The following CNNM1 variants were observed in gnomAD, a reference collection of about 807,000 sequenced individuals.
The protein encoded by CNNM1 is metal transporter CNNM1.
A neutral mutation model predicts 78.8 loss-of-function variants in CNNM1; 44 were observed. The observed-to-expected ratio is 0.56, with a 90% confidence interval of 0.44 to 0.72. The LOEUF (loss-of-function observed/expected upper bound fraction) is 0.72. Ranked by LOEUF, CNNM1 falls within the 30% of genes least tolerant of loss-of-function variation. CNNM1 has a pLI of 0.00. For synonymous variants in CNNM1, 584 were observed against 581.5 expected (o/e 1.00, Z -0.06); for missense variants, 1,101 against 1,292.2 (o/e 0.85, Z 2.27).
At chr10:99,371,678 A>G (rs1310629622) in intron 6 of CNNM1, among the ~76,000 whole-genome samples, 3 of 152,168 alleles carry the variant, frequency 2.0e-5, no homozygotes, top group African/African-American at 7.2e-5. Flanking sequence ...GGGAACCATT[A>G]AAGCTCCGTG....
chr10:99,379,838 A>C (rs1000517219), intron 7 of CNNM1, among the ~76,000 whole-genome samples: 2 of 151,950 alleles, frequency 1.3e-5, no homozygotes, highest in Non-Finnish European at 2.9e-5. Flanking sequence ...CACTGTAACA[A>C]ATTACCATAG....
chr10:99,387,280 G>A (rs2032334160), intron 7 of CNNM1, among the ~76,000 whole-genome samples: 1 of 152,126 alleles, frequency 6.6e-6, no homozygotes, highest in Non-Finnish European at 1.5e-5. Flanking sequence ...GGAGACAGCT[G>A]GGAAACCTCC....
rs1247091600 is a variant in CNNM1 at position 99,329,738 on chromosome 10, C to T, written c.351C>T (p.Gly117=). The part of the protein sequence containing the change: ...VFIEEPPGGG[G]VAPSAVPTRP... ...TCGAGGAGCCCCCGGGCGGTGGCGG[C>T]GTGGCCCCCAGCGCGGTCCCCACTC... is the stretch of plus-strand genomic sequence containing the variant. The change falls in exon 1 of 11, where the codon GGC becomes GGT. Residue 117 remains glycine, a synonymous_variant. Transcript: ENST00000356713. The T allele has an allele frequency of 1.3e-6, 2 of 1,508,118 alleles. No individual in the cohort carries two copies. The highest frequency in any genetic ancestry group is 1.4e-5 in the African/African-American group (1 of 69,214). The allele number at this position is 1,508,118 out of a possible 1,614,324, so 93.4% of individuals were successfully genotyped here.
At position 99,393,035 on chromosome 10, in the gene CNNM1, G is replaced by A. The variant is rs1479622352; in HGVS notation, c.*1519G>A. On this transcript the variant is annotated 3_prime_UTR_variant, in exon 11 of 11. Coordinates refer to ENST00000356713, the MANE Select transcript of CNNM1 (RefSeq NM_020348.3). ...CCACAGCCAGCCTTAGGGAAAACTT[G>A]GAAGTAAGTGAAATTTGTCTTCAGA... 6.6e-6 allele frequency: 1 copy of A among 152,060 alleles called. No individual in the cohort carries two copies. Among genetic ancestry groups the A allele is most frequent in the Non-Finnish European group, 1.5e-5 (1 of 68,052 alleles). The allele number at this position is 152,060 out of a possible 1,614,324, so 9.4% of individuals were successfully genotyped here.
chr10:99,355,023 C>T (rs984702770), intron 1 of CNNM1, among the ~76,000 whole-genome samples: 3 of 152,106 alleles, frequency 2.0e-5, no homozygotes, highest in Non-Finnish European at 2.9e-5. Context: ...TTTCCGATTT[C>T]GTTTCAGTTT....
Position 99,330,190 on chromosome 10 carries a change from A to C in CNNM1, c.803A>C (p.Gln268Pro). ...AGCGGCTCGGCCGCCGAGCAGGAGC[A>C]GGCGCGCCGCGTGCAGGCCGTTCGC... is the stretch of plus-strand genomic sequence containing the variant. ...RNSGSAAEQE[Q>P]ARRVQAVRGR... is the part of the protein sequence containing the mutation. Residue 268 changes from glutamine (Q) to proline (P), a missense_variant, in exon 1 of 11, where the codon CAG becomes CCG. By Grantham distance (76) the Gln-to-Pro change is moderately conservative. Coordinates refer to ENST00000356713, the MANE Select transcript of CNNM1 (RefSeq NM_020348.3). 2.0e-6 allele frequency: 3 copies of C among 1,512,046 alleles called. No homozygotes were observed. The highest frequency in any genetic ancestry group is 2.6e-6 in the Non-Finnish European group (3 of 1,135,158). The allele number at this position is 1,512,046 out of a possible 1,614,324, so 93.7% of individuals were successfully genotyped here. A position where few individuals can be genotyped will look rare whatever the true frequency, so the allele number is the denominator to read the frequency against.
In CNNM1 at chr10:99,329,878, T is replaced by C. The variant is rs1850561683; in HGVS notation, c.491T>C (p.Val164Ala). The change falls in exon 1 of 11, where the codon GTG becomes GCG. Residue 164 changes from valine to alanine, a missense_variant. Val to Ala is a moderately conservative substitution (Grantham distance 64, BLOSUM62 0). Coordinates refer to ENST00000356713, the MANE Select transcript of CNNM1 (RefSeq NM_020348.3). Reference protein sequence around the residue: ...VAGSALVQVRVRELRKGEAER... With the variant: ...VAGSALVQVRARELRKGEAER... ...GGCTCGGCCCTGGTCCAGGTGCGAG[T>C]GCGGGAGCTGCGCAAGGGCGAAGCG... 1.4e-6 allele frequency: 2 copies of C among 1,393,148 alleles called. No homozygotes were observed. The highest frequency in any genetic ancestry group is 1.9e-6 in the Non-Finnish European group (2 of 1,081,082). 86.3% of individuals were successfully genotyped at this position (1,393,148 alleles called of 1,614,324 possible). A position where few individuals can be genotyped will look rare whatever the true frequency, so the allele number is the denominator to read the frequency against.
chr10:99,332,855 A>T (rs570546922), intron 1 of CNNM1, among the ~76,000 whole-genome samples: 1 of 152,124 alleles, frequency 6.6e-6, no homozygotes, highest in Admixed American at 6.6e-5. Flanking sequence ...TCTCGCCTTA[A>T]TCCTTGCATT....
At chr10:99,360,753 CT>C (rs1383718893) in intron 2 of CNNM1, 81 bp from the exon 3 acceptor site, 8 of 1,504,176 alleles carry the variant, frequency 5.3e-6, no homozygotes, top group Non-Finnish European at 7.2e-6. Context: ...AATGTTCTAT[CT>C]GTCCCCTGTG....
At chr10:99,352,010 T>C (rs984842145) in intron 1 of CNNM1, among the ~76,000 whole-genome samples, 4 of 152,192 alleles carry the variant, frequency 2.6e-5, no homozygotes, top group African/African-American at 9.7e-5. Flanking sequence ...AAACTCATCC[T>C]TTTAAAGTGC....
At position 99,393,986 on chromosome 10, in the gene CNNM1, A is replaced by G. The variant is rs913838998; in HGVS notation, c.*2470A>G. 6.6e-6 allele frequency: 1 copy of G among 152,238 alleles called. No homozygotes were observed. The allele number at this position is 152,238 out of a possible 1,614,324, so 9.4% of individuals were successfully genotyped here. A position where few individuals can be genotyped will look rare whatever the true frequency, so the allele number is the denominator to read the frequency against. On this transcript the variant is annotated 3_prime_UTR_variant, in exon 11 of 11. Coordinates refer to ENST00000356713, the MANE Select transcript of CNNM1 (RefSeq NM_020348.3). ...AGGAACAGGCGAAGTGTCAGCCCTC[A>G]ATGTTGGGTACTTAGACCCAAACCA...
At chr10:99,381,624 C>G (rs2032163759) in intron 7 of CNNM1, among the ~76,000 whole-genome samples, 1 of 151,772 alleles carries the variant, frequency 6.6e-6, no homozygotes. Context: ...CACCTGTAAT[C>G]CCAGCTACTC....
intron 6 of CNNM1, among the ~76,000 whole-genome samples, chr10:99,374,647 C>T (rs2031908437): frequency 6.6e-6 from 1 of 152,186 alleles, no homozygotes; most frequent in Non-Finnish European, 1.5e-5. Flanking sequence ...GATTTAAGAG[C>T]TCTGAAACCT....
rs1850569174 is a variant in CNNM1 at position 99,330,061 on chromosome 10, G to T, written c.674G>T (p.Arg225Leu). 2 of 1,512,800 alleles carry T rather than the reference G, an allele frequency of 1.3e-6. No individual in the cohort carries two copies. Among genetic ancestry groups the T allele is most frequent in the African/African-American group, 1.4e-5 (1 of 69,508 alleles). 93.7% of individuals were successfully genotyped at this position (1,512,800 alleles called of 1,614,324 possible). A position where few individuals can be genotyped will look rare whatever the true frequency, so the allele number is the denominator to read the frequency against. ...GACCTGCTGCCCCCTGCGTGGCTGC[G>T]GGCGCTCGGGGCGCTCCTGCTGCTA... ...GGDLLPPAWL[R>L]ALGALLLLAL... The change falls in exon 1 of 11, where the codon CGG (arginine) becomes CTG (leucine). Residue 225 changes from arginine to leucine, a missense_variant. Coordinates refer to ENST00000356713, the MANE Select transcript of CNNM1 (RefSeq NM_020348.3).
chr10:99,374,863 T>C (rs1212955069), intron 6 of CNNM1, among the ~76,000 whole-genome samples: 2 of 152,208 alleles, frequency 1.3e-5, no homozygotes, highest in Non-Finnish European at 2.9e-5. Context: ...ATTAAGTAGA[T>C]GTAACAAGTA....
Position 99,393,987 on chromosome 10 carries a change from A to G in CNNM1, c.*2471A>G, listed in dbSNP as rs2032549288. On this transcript the variant is annotated 3_prime_UTR_variant, in exon 11 of 11. Transcript: ENST00000356713. ...GGAACAGGCGAAGTGTCAGCCCTCA[A>G]TGTTGGGTACTTAGACCCAAACCAA... 6.6e-6 allele frequency: 1 copy of G among 152,262 alleles called. No homozygotes were observed. 9.4% of individuals were successfully genotyped at this position (152,262 alleles called of 1,614,324 possible). A position where few individuals can be genotyped will look rare whatever the true frequency, so the allele number is the denominator to read the frequency against.
intron 7 of CNNM1, among the ~76,000 whole-genome samples, chr10:99,383,736 T>C (rs546069651): frequency 2.0e-5 from 3 of 152,254 alleles, no homozygotes; most frequent in Non-Finnish European, 4.4e-5. Flanking sequence ...GTGGGACCAG[T>C]GGTTCTGTCC....
At chr10:99,350,003 C>G (rs34813071) in intron 1 of CNNM1, among the ~76,000 whole-genome samples, 12,414 of 151,984 alleles carry the variant, frequency 0.082, 652 homozygotes, top group South Asian at 0.12. Flanking sequence ...AGTCTCAAAA[C>G]AAAACAAAAA....
At position 99,361,229 on chromosome 10, in the gene CNNM1, C is replaced by T. The variant is rs548879315; in HGVS notation, c.1858+254C>T. On this transcript the variant is annotated intron_variant, in intron 3 of 10. Coordinates refer to ENST00000356713, the MANE Select transcript of CNNM1 (RefSeq NM_020348.3). Reference sequence around the variant, plus strand: ...TACCAGAGAAAAGAGCTAAAGAAACCATTGCTGCACTTTTCCCTCTTCTAC... The same window carrying T: ...TACCAGAGAAAAGAGCTAAAGAAACTATTGCTGCACTTTTCCCTCTTCTAC... 1.0e-3 allele frequency among the ~76,000 whole-genome samples: 157 copies of T among 152,266 alleles called. 1 individual carries two copies. The highest frequency in any genetic ancestry group is 3.5e-3 in the African/African-American group (147 of 41,552).
Sources: gnomAD v4.1 joint callset for allele counts (sites outside exome capture counted in the v4.1 genomes callset) on GRCh38, gnomAD v4.1.1 for gene constraint, MANE v1.5 for transcripts, NCBI Gene and HGNC (gene_info 2026-07-23, HGNC 2026-07-21) for gene names.